The following KIAA1549 variants were observed in gnomAD, a reference collection of about 807,000 sequenced individuals.
KIAA1549 encodes UPF0606 protein KIAA1549.
KIAA1549 carries 70 observed loss-of-function variants against 156.4 expected under a neutral mutation model. The observed-to-expected ratio is 0.45, with a 90% CI of 0.37 to 0.55. KIAA1549 has a LOEUF of 0.55. KIAA1549 is among the 20% of genes least tolerant of loss of function. The pLI, the probability that KIAA1549 is intolerant of heterozygous loss-of-function variation, is 0.00. For synonymous variants in KIAA1549, 1,103 were observed against 1,066.4 expected (o/e 1.03, Z -0.67); for missense variants, 2,428 against 2,540.9 (o/e 0.96, Z 0.96).
intron 1 of KIAA1549, among the ~76,000 whole-genome samples, chr7:138,976,014 C>T (rs1390346723): frequency 2.0e-5 from 3 of 152,186 alleles, no homozygotes; most frequent in Admixed American, 1.3e-4. Flanking sequence ...TCACTCCCAA[C>T]CCAAACAAAA....
chr7:138,933,662 T>C (rs1812931783), intron 1 of KIAA1549, among the ~76,000 whole-genome samples: 1 of 152,262 alleles, frequency 6.6e-6, no homozygotes, highest in Non-Finnish European at 1.5e-5. Flanking sequence ...GCCAACTTTA[T>C]GTCTAAAATT....
intron 9 of KIAA1549, among the ~76,000 whole-genome samples, chr7:138,896,603 T>C (rs1476283936): frequency 6.6e-6 from 1 of 151,772 alleles, no homozygotes; most frequent in Non-Finnish European, 1.5e-5. Context: ...TGTTTTTTTT[T>C]TTTCTTTTTG....
At chr7:138,858,458 T>C (rs926988344) in intron 16 of KIAA1549, among the ~76,000 whole-genome samples, 6 of 152,156 alleles carry the variant, frequency 3.9e-5, no homozygotes, top group Non-Finnish European at 7.4e-5. Context: ...TTAGTTTGAT[T>C]TGATGCAGAC....
rs1309241901 is a variant in KIAA1549 at position 138,837,853 on chromosome 7, G to C, written c.*53C>G. The C allele has an allele frequency of 1.3e-6, 2 of 1,577,090 alleles. No homozygotes were observed. The highest frequency in any genetic ancestry group is 2.7e-5 in the African/African-American group (2 of 74,400). On this transcript the variant is annotated 3_prime_UTR_variant, in exon 20 of 20. Coordinates refer to ENST00000422774, the MANE Select transcript of KIAA1549 (RefSeq NM_001164665.2). ...ACACCCACTCAGTTGATTTCCTTTT[G>C]GTCTTGCTTCCACAGGAAGCGGATA...
chr7:138,891,679 A>C (rs1423299101), intron 10 of KIAA1549, among the ~76,000 whole-genome samples: 2 of 152,058 alleles, frequency 1.3e-5, no homozygotes, highest in African/African-American at 2.4e-5. Context: ...TTGTTTCCAG[A>C]TGTTTGCAGC....
rs1271050828 is a variant in KIAA1549 at position 138,894,402 on chromosome 7, G to A, written c.3972C>T (p.Cys1324=). Residue 1324 remains cysteine, a synonymous_variant, in exon 10 of 20, where the codon TGC becomes TGT. Transcript: ENST00000422774. The part of the protein sequence containing the change: ...VIVVILYWKL[C]RTDKLDFQPD... ...GCTGAAAGTCTAGCTTGTCTGTGCG[G>A]CATAGTTTCCAGTAGAGGATGACAA... The A allele has an allele frequency of 6.2e-7, 1 of 1,613,924 alleles. No homozygotes were observed. The highest frequency in any genetic ancestry group is 8.5e-7 in the Non-Finnish European group (1 of 1,179,910).
At chr7:138,948,742 G>T (rs548543810) in intron 1 of KIAA1549, among the ~76,000 whole-genome samples, 17 of 151,234 alleles carry the variant, frequency 1.1e-4, no homozygotes, top group African/African-American at 3.4e-4. Context: ...GCCCAGGCTG[G>T]AGTGCAATGG....
chr7:138,880,459 C>T (rs1165199741), intron 11 of KIAA1549, among the ~76,000 whole-genome samples: 1 of 152,180 alleles, frequency 6.6e-6, no homozygotes, highest in East Asian at 1.9e-4. Flanking sequence ...AGATCATGTT[C>T]TGACATCTAT....
In KIAA1549 at chr7:138,894,534, C is replaced by G. The variant is rs1448253523; in HGVS notation, c.3848-8G>C. ...TCTTCACCCTGTCGACAGCTGCAGACAAGGAAGAAAGGTCTTTCAATAATT... is the reference window on the plus strand; with the variant it reads ...TCTTCACCCTGTCGACAGCTGCAGAGAAGGAAGAAAGGTCTTTCAATAATT... On this transcript the variant is annotated splice_region_variant and splice_polypyrimidine_tract_variant and intron_variant, in intron 9 of 19. Transcript: ENST00000422774. The G allele has an allele frequency of 6.2e-7, 1 of 1,613,764 alleles. No homozygotes were observed. The highest frequency in any genetic ancestry group is 1.7e-5 in the Admixed American group (1 of 60,026).
At position 138,836,267 on chromosome 7, in the gene KIAA1549, T is replaced by G. The variant is rs1809703884; in HGVS notation, c.*1639A>C. ...TTGTATTTTTACCATACCTTTTCTATGTTTAGCTATGTTTAGATACACAAA... is the reference window on the plus strand; with the variant it reads ...TTGTATTTTTACCATACCTTTTCTAGGTTTAGCTATGTTTAGATACACAAA... On this transcript the variant is annotated 3_prime_UTR_variant, in exon 20 of 20. Transcript: ENST00000422774. The G allele has an allele frequency of 4.9e-6, 1 of 203,166 alleles. No individual in the cohort carries two copies. Among genetic ancestry groups the G allele is most frequent in the Non-Finnish European group, 1.0e-5 (1 of 99,014 alleles). 12.6% of individuals were successfully genotyped at this position (203,166 alleles called of 1,614,324 possible).
At chr7:138,887,260 A>G (rs900448388) in intron 10 of KIAA1549, among the ~76,000 whole-genome samples, 10 of 152,228 alleles carry the variant, frequency 6.6e-5, no homozygotes, top group Non-Finnish European at 1.3e-4. Context: ...CACTTGTGTA[A>G]ATTATTTAAA....
At position 138,981,278 on chromosome 7, in the gene KIAA1549, G is replaced by A. The variant is rs1490936825; in HGVS notation, c.-9C>T. The A allele has an allele frequency of 5.0e-5, 49 of 973,286 alleles. No individual in the cohort carries two copies. The highest frequency in any genetic ancestry group is 5.6e-5 in the Non-Finnish European group (46 of 821,800). 60.3% of individuals were successfully genotyped at this position (973,286 alleles called of 1,614,324 possible). ...CGCCGCGCCCCCGGCATTCCCGGCCGGCGCCCCGGCCCGGCCTCGCGGCTC... is the reference window on the plus strand; with the variant it reads ...CGCCGCGCCCCCGGCATTCCCGGCCAGCGCCCCGGCCCGGCCTCGCGGCTC... On this transcript the variant is annotated 5_prime_UTR_variant, in exon 1 of 20. Coordinates refer to ENST00000422774, the MANE Select transcript of KIAA1549 (RefSeq NM_001164665.2). The surrounding 1 kb of genome is among the most constrained non-coding windows in gnomAD (Gnocchi z 4.5).
chr7:138,906,222 T>C (rs1812001571), intron 6 of KIAA1549, among the ~76,000 whole-genome samples: 1 of 152,236 alleles, frequency 6.6e-6, no homozygotes. Flanking sequence ...CTCTGTATGA[T>C]ACTAAAATGG....
intron 1 of KIAA1549, among the ~76,000 whole-genome samples, chr7:138,955,086 C>A (rs540649): frequency 0.29 from 44,562 of 152,072 alleles, 7,755 homozygotes; most frequent in African/African-American, 0.49. Context: ...CAGTGTCCTA[C>A]TATGTGCCAG....
At chr7:138,908,487 T>C (rs141238504) in intron 5 of KIAA1549, among the ~76,000 whole-genome samples, 4 of 151,616 alleles carry the variant, frequency 2.6e-5, no homozygotes, top group Non-Finnish European at 4.4e-5. Flanking sequence ...AGATGGAAAA[T>C]ATGAGGAAAA....
intron 1 of KIAA1549, among the ~76,000 whole-genome samples, chr7:138,936,897 C>G (rs1457369518): frequency 6.6e-6 from 1 of 152,176 alleles, no homozygotes; most frequent in African/African-American, 2.4e-5. Flanking sequence ...CCACCCTAAG[C>G]TCTGCAGCCT....
intron 8 of KIAA1549, among the ~76,000 whole-genome samples, chr7:138,899,732 GCCAGATGCA>G (rs1157301637): frequency 6.6e-6 from 1 of 152,022 alleles, no homozygotes; most frequent in African/African-American, 2.4e-5. Flanking sequence ...CCCAGACACT[GCCAGATGCA>G]CCCTGGAGGA....
chr7:138,934,837 T>C (rs538809107), intron 1 of KIAA1549, among the ~76,000 whole-genome samples: 1 of 152,236 alleles, frequency 6.6e-6, no homozygotes, highest in South Asian at 2.1e-4. Flanking sequence ...AAATGATGAA[T>C]GGCCATGATA....
intron 1 of KIAA1549, among the ~76,000 whole-genome samples, chr7:138,957,162 G>A (rs59137671): frequency 0.026 from 3,880 of 152,122 alleles, 165 homozygotes; most frequent in African/African-American, 0.089. Flanking sequence ...CCCCATATGG[G>A]GAATGACCAT....
Sources: allele counts gnomAD v4.1 joint callset (sites outside exome capture counted in the v4.1 genomes callset), GRCh38; gene constraint gnomAD v4.1.1; non-coding constraint Gnocchi (gnomAD v3.1); transcripts MANE v1.5; gene names NCBI Gene and HGNC (gene_info 2026-07-23, HGNC 2026-07-21).